The following CCNT2 variants were observed in gnomAD, a reference collection of about 807,000 sequenced individuals.
CCNT2 encodes cyclin-T2.
In CCNT2, 18 loss-of-function variants were observed where a neutral mutation model predicts 70.0. That is an observed-to-expected ratio of 0.26 (90% CI 0.18 to 0.38). The LOEUF is 0.38. Ranked by LOEUF, CCNT2 falls within the 10% of genes least tolerant of loss-of-function variation. The pLI is 1.00. For missense variants in CCNT2, 734 were observed against 890.2 expected (o/e 0.82, Z 2.23); for synonymous variants, 334 against 313.3 (o/e 1.07, Z -0.70).
Position 134,958,123 on chromosome 2 carries a change from T to C in CCNT2, c.*3475T>C, listed in dbSNP as rs919633477. The C allele has an allele frequency of 3.9e-5, 6 of 152,252 alleles. No homozygotes were observed. Among genetic ancestry groups the C allele is most frequent in the Non-Finnish European group, 5.9e-5 (4 of 68,042 alleles). 9.4% of individuals were successfully genotyped at this position (152,252 alleles called of 1,614,324 possible). A position where few individuals can be genotyped will look rare whatever the true frequency, so the allele number is the denominator to read the frequency against. On this transcript the variant is annotated 3_prime_UTR_variant, in exon 9 of 9. Transcript: ENST00000264157. ...ACTGCTTATATCTGCATGAATATTA[T>C]GCATTTCATGAGTACAGTTAGTTGA...
chr2:134,944,359 A>G (rs1265378898), intron 5 of CCNT2: 4 of 960,978 alleles, frequency 4.2e-6, no homozygotes, highest in Non-Finnish European at 5.0e-6. Flanking sequence ...AGGAAGTACT[A>G]GTATATGTTT....
chr2:134,955,328 T>A lies in CCNT2; in HGVS notation c.*680T>A, dbSNP rs1682865319. 1 of 152,926 alleles carries A rather than the reference T, an allele frequency of 6.5e-6. No homozygotes were observed. The highest frequency in any genetic ancestry group is 6.5e-5 in the Admixed American group (1 of 15,314). 9.5% of individuals were successfully genotyped at this position (152,926 alleles called of 1,614,324 possible). ...TGATAGGGGACACTTCACTACCAGATGTGTGCAGTGCAACAGATGGTCATA... is the reference window on the plus strand; with the variant it reads ...TGATAGGGGACACTTCACTACCAGAAGTGTGCAGTGCAACAGATGGTCATA... On this transcript the variant is annotated 3_prime_UTR_variant, in exon 9 of 9. Coordinates refer to ENST00000264157, the MANE Select transcript of CCNT2 (RefSeq NM_058241.3).
At chr2:134,940,145 A>G (rs929951363) in intron 4 of CCNT2, among the ~76,000 whole-genome samples, 8 of 152,202 alleles carry the variant, frequency 5.3e-5, no homozygotes, top group African/African-American at 1.9e-4. Flanking sequence ...TGTTGAATAG[A>G]AGTGCGATAA....
chr2:134,940,787 A>G (rs1053456229), intron 4 of CCNT2, among the ~76,000 whole-genome samples: 3 of 152,226 alleles, frequency 2.0e-5, no homozygotes, highest in Admixed American at 2.0e-4. Context: ...GGACCCATAC[A>G]AAGTGCCTCT....
rs773427980 is a variant in CCNT2, at chr2:134,951,791, A to G, written c.704-850A>G. 9.2e-5 allele frequency among the ~76,000 whole-genome samples: 14 copies of G among 152,246 alleles called. 1 individual carries two copies. The highest frequency in any genetic ancestry group is 1.5e-4 in the Non-Finnish European group (10 of 68,034). On this transcript the variant is annotated intron_variant, in intron 7 of 8. Transcript: ENST00000264157. ...ATAACAATATATGATTATCAAAACT[A>G]GGAAGTTAACATTGGTACAATACTG...
chr2:134,918,989 G>A lies in CCNT2; in HGVS notation c.135G>A (p.Gln45=), dbSNP rs1679615216. Residue 45 remains glutamine, a synonymous_variant, in exon 1 of 9, where the codon CAG becomes CAA. Transcript: ENST00000264157. ...SCRQQAANLI[Q]EMGQRLNVSQ... ...GCCAGCAGGCGGCCAACCTCATCCA[G>A]GAGATGGGACAGCGTCTCAATGTGT... is the stretch of plus-strand genomic sequence containing the variant. 1.9e-6 allele frequency: 3 copies of A among 1,612,908 alleles called. No homozygotes were observed. Among genetic ancestry groups the A allele is most frequent in the African/African-American group, 1.3e-5 (1 of 74,950 alleles).
chr2:134,931,515 T>C (rs1680770498), intron 2 of CCNT2, among the ~76,000 whole-genome samples: 1 of 152,054 alleles, frequency 6.6e-6, no homozygotes, highest in South Asian at 2.1e-4. Context: ...CTTTGTGCTT[T>C]TTCAAGATTG....
At position 134,944,302 on chromosome 2, in the gene CCNT2, A is replaced by G. The variant is rs369438974; in HGVS notation, c.493+1628A>G. The G allele has an allele frequency of 1.8e-5, 18 of 982,264 alleles. 1 individual carries two copies. In the East Asian group the frequency reaches 5.7e-4, roughly 31 times the overall value. 60.8% of individuals were successfully genotyped at this position (982,264 alleles called of 1,614,324 possible). On this transcript the variant is annotated intron_variant, in intron 5 of 8. Transcript: ENST00000264157. Reference sequence around the variant, plus strand: ...GCTAAACTTTGTAAGCATTGTAGCCATATAATTTGCTTTAAATTAAGAGCC... The same window carrying G: ...GCTAAACTTTGTAAGCATTGTAGCCGTATAATTTGCTTTAAATTAAGAGCC...
chr2:134,936,451 C>G (rs1482610597), intron 2 of CCNT2, among the ~76,000 whole-genome samples: 2 of 152,168 alleles, frequency 1.3e-5, no homozygotes, highest in East Asian at 1.9e-4. Flanking sequence ...ACCCGCCCCC[C>G]CTTAAAAAAT....
chr2:134,951,048 T>C (rs1273054445), intron 7 of CCNT2, among the ~76,000 whole-genome samples: 3 of 151,972 alleles, frequency 2.0e-5, no homozygotes, highest in African/African-American at 7.2e-5. Flanking sequence ...TTTTTTTTTT[T>C]CTTTTTTTTT....
Position 134,919,898 on chromosome 2 carries a change from A to G in CCNT2, c.240+7A>G. ...CACCAAATTCAACAAAAATGTAAGT[A>G]CTAGTTGTCTGTTTTTACTGTCCGC... On this transcript the variant is annotated splice_region_variant and intron_variant, in intron 2 of 8. Coordinates refer to ENST00000264157, the MANE Select transcript of CCNT2 (RefSeq NM_058241.3). The G allele has an allele frequency of 6.6e-7, 1 of 1,520,246 alleles. No individual in the cohort carries two copies. Among genetic ancestry groups the G allele is most frequent in the Non-Finnish European group, 8.9e-7 (1 of 1,121,330 alleles). The allele number at this position is 1,520,246 out of a possible 1,614,324, so 94.2% of individuals were successfully genotyped here.
At chr2:134,949,074 G>A (rs1416567004) in intron 7 of CCNT2, among the ~76,000 whole-genome samples, 8 of 152,060 alleles carry the variant, frequency 5.3e-5, no homozygotes, top group South Asian at 2.1e-4. Flanking sequence ...AAGCTGGAGC[G>A]CAGTGGTGCA....
At position 134,918,956 on chromosome 2, in the gene CCNT2, C is replaced by G; in HGVS notation, c.102C>G (p.Leu34=). 3 of 1,613,910 alleles carry G rather than the reference C, an allele frequency of 1.9e-6. No individual in the cohort carries two copies. The highest frequency in any genetic ancestry group is 1.7e-4 in the Middle Eastern group (1 of 6,060). The part of the protein sequence containing the change: ...RRCGVEADKE[L]SCRQQAANLI... ...GCGGAGTGGAGGCGGATAAAGAGCTCTCGTGCCGCCAGCAGGCGGCCAACC... is the reference window on the plus strand; with the variant it reads ...GCGGAGTGGAGGCGGATAAAGAGCTGTCGTGCCGCCAGCAGGCGGCCAACC... Residue 34 remains leucine (L), a synonymous_variant, in exon 1 of 9, where the codon CTC becomes CTG. Coordinates refer to ENST00000264157, the MANE Select transcript of CCNT2 (RefSeq NM_058241.3).
chr2:134,948,275 C>G (rs1682149723), intron 7 of CCNT2, among the ~76,000 whole-genome samples: 1 of 152,112 alleles, frequency 6.6e-6, no homozygotes, highest in African/African-American at 2.4e-5. Flanking sequence ...GCCTTGAAGG[C>G]ACTGCTCTAC....
At chr2:134,949,673 T>G (rs1682289345) in intron 7 of CCNT2, among the ~76,000 whole-genome samples, 1 of 152,172 alleles carries the variant, frequency 6.6e-6, no homozygotes, top group Non-Finnish European at 1.5e-5. Flanking sequence ...AAGTCTTCAA[T>G]GAGTTGAAAT....
intron 1 of CCNT2, among the ~76,000 whole-genome samples, chr2:134,919,542 T>C (rs763209215): frequency 7.2e-5 from 11 of 152,202 alleles, no homozygotes; most frequent in Non-Finnish European, 1.0e-4. Flanking sequence ...ATTTTGAGTT[T>C]AGTTAGTCGT....
chr2:134,944,803 CTA>C (rs1681831107), intron 5 of CCNT2: 1 of 985,222 alleles, frequency 1.0e-6, no homozygotes, highest in Admixed American at 6.1e-5. Flanking sequence ...CATTTCCCCT[CTA>C]TTCTCTGTTG....
At chr2:134,925,787 T>C (rs1680251359) in intron 2 of CCNT2, among the ~76,000 whole-genome samples, 4 of 151,932 alleles carry the variant, frequency 2.6e-5, no homozygotes. Flanking sequence ...CTTGGGCTTA[T>C]ACCCAGGAGT....
chr2:134,944,475 A>G (rs896067167), intron 5 of CCNT2: 61 of 965,798 alleles, frequency 6.3e-5, no homozygotes, highest in African/African-American at 1.1e-4. Flanking sequence ...TATTTTTTGT[A>G]CAAGTTCTCC....
Sources: gnomAD v4.1 joint callset for allele counts (sites outside exome capture counted in the v4.1 genomes callset) on GRCh38, gnomAD v4.1.1 for gene constraint, MANE v1.5 for transcripts, NCBI Gene and HGNC (gene_info 2026-07-23, HGNC 2026-07-21) for gene names.